Variants in SPECC1 observed in about 807,000 individuals in gnomAD.
SPECC1 encodes the protein sperm antigen with calponin homology and coiled-coil domains 1.
SPECC1 carries 62 observed loss-of-function variants against 104.1 expected under a neutral mutation model. The ratio of observed to expected loss-of-function variants is 0.60; its 90% CI spans 0.49 to 0.74. The LOEUF (loss-of-function observed/expected upper bound fraction) is 0.74. Ranked by LOEUF, SPECC1 falls within the 30% of genes least tolerant of loss-of-function variation. The probability of loss-of-function intolerance (pLI) is 0.00; values close to 1 mark genes in which losing one functional copy is unlikely to be tolerated. For missense variants in SPECC1, 1,306 were observed against 1,310.5 expected (o/e 1.00, Z 0.05); for synonymous variants, 513 against 501.6 (o/e 1.02, Z -0.30).
chr17:20,070,084 A>G (rs35915823), intron 1 of SPECC1, among the ~76,000 whole-genome samples: 32,719 of 152,032 alleles, frequency 0.22, 4,572 homozygotes, highest in Middle Eastern at 0.34. Flanking sequence ...CTTTCTTACC[A>G]ATCTGGATGC....
rs1844774810 is a variant in SPECC1 at position 20,315,184 on chromosome 17, A to T, written c.*1119A>T. On this transcript the variant is annotated 3_prime_UTR_variant, in exon 15 of 15. Transcript: ENST00000395527. The stretch of plus-strand genomic sequence containing the variant: ...GGATGCTGGGCTGACAGCAAATCCC[A>T]ACAGTATTTCGGCTCTGGACTGATT... The T allele has an allele frequency of 4.3e-6, 1 of 232,962 alleles. No homozygotes were observed. The allele number at this position is 232,962 out of a possible 1,614,324, so 14.4% of individuals were successfully genotyped here.
chr17:20,165,855 T>C (rs765372549), intron 3 of SPECC1, among the ~76,000 whole-genome samples: 5 of 152,236 alleles, frequency 3.3e-5, no homozygotes, highest in Non-Finnish European at 7.3e-5. Context: ...TTTAGAAAAG[T>C]ACCTGTTGAT....
chr17:20,257,720 A>G (rs1598096500), intron 11 of SPECC1, 113 bp downstream of exon 11: 2 of 1,372,130 alleles, frequency 1.5e-6, no homozygotes, highest in Non-Finnish European at 2.0e-6. Flanking sequence ...TTCCTGCATG[A>G]AAATGACTAA....
chr17:20,260,192 T>C lies in SPECC1; in HGVS notation c.2838T>C (p.Ser946=), dbSNP rs2039975937. ...TRAWKPQSKL[S]VERKDPLAAL... Reference sequence around the variant, plus strand: ...ACCATGTGCTCTTCTTTCTAACCAGTGTGGAAAGAAAAGACCCTCTGGCAG... The same window carrying C: ...ACCATGTGCTCTTCTTTCTAACCAGCGTGGAAAGAAAAGACCCTCTGGCAG... The change falls in exon 12 of 15, where the codon AGT becomes AGC. Residue 946 remains serine (S), a splice_region_variant and synonymous_variant. Transcript: ENST00000395527. The C allele has an allele frequency of 4.3e-6, 7 of 1,611,480 alleles. No individual in the cohort carries two copies. The East Asian group carries it at 1.3e-4, about 31-fold the overall frequency.
At chr17:20,081,693 C>T (rs1015228746) in intron 1 of SPECC1, among the ~76,000 whole-genome samples, 7 of 151,942 alleles carry the variant, frequency 4.6e-5, no homozygotes, top group Non-Finnish European at 7.4e-5. Context: ...GGGATCTGTC[C>T]GGAATGTAGA....
At chr17:20,251,277 T>C (rs999679513) in intron 9 of SPECC1, among the ~76,000 whole-genome samples, 2 of 131,472 alleles carry the variant, frequency 1.5e-5, no homozygotes, top group African/African-American at 6.1e-5. Flanking sequence ...GGCAGGAAAA[T>C]GTAGTCGATA....
Position 20,096,815 on chromosome 17 carries a change from A to G in SPECC1, c.147+17A>G. 2 of 1,606,248 alleles carry G rather than the reference A, an allele frequency of 1.2e-6. No individual in the cohort carries two copies. Among genetic ancestry groups the G allele is most frequent in the Middle Eastern group, 1.7e-4 (1 of 6,026 alleles). On this transcript the variant is annotated intron_variant, in intron 2 of 14. Coordinates refer to ENST00000395527, the MANE Select transcript of SPECC1 (RefSeq NM_001243439.2). ...CTCAGCAGGGTATGGATCAAAATGC[A>G]CAGGGCCAGGCAGAGCGCCTGGATA...
rs76661829 is a variant in SPECC1, at chr17:20,274,985, G to A, written c.2940+14691G>A. On this transcript the variant is annotated intron_variant, in intron 12 of 14. Transcript: ENST00000395527. Reference sequence around the variant, plus strand: ...CTAAATGAGATTCTTGTATTGTTTTGTGATAAATACTCTATCAACTAAAGG... The same window carrying A: ...CTAAATGAGATTCTTGTATTGTTTTATGATAAATACTCTATCAACTAAAGG... 5.9e-3 allele frequency among the ~76,000 whole-genome samples: 888 copies of A among 149,814 alleles called. 7 individuals carry two copies. The highest frequency in any genetic ancestry group is 0.021 in the African/African-American group (825 of 39,680).
Position 20,108,225 on chromosome 17 carries a change from A to C in SPECC1, c.148-2202A>C, listed in dbSNP as rs187207016. On this transcript the variant is annotated intron_variant, in intron 2 of 14. Transcript: ENST00000395527. ...AGCACAGTAAAGTTTTAAAAATTAC[A>C]AAAAAAAGGAAAAAAAAAAAACCCA... 6.7e-3 allele frequency among the ~76,000 whole-genome samples: 1,012 copies of C among 151,038 alleles called. 10 individuals carry two copies. Among genetic ancestry groups the C allele is most frequent in the African/African-American group, 0.023 (955 of 40,772 alleles).
intron 1 of SPECC1, among the ~76,000 whole-genome samples, chr17:20,060,177 C>A (rs1187632225): frequency 6.6e-6 from 1 of 152,080 alleles, no homozygotes; most frequent in Non-Finnish European, 1.5e-5. Flanking sequence ...TTCAATGACG[C>A]CTCTATAGTT....
intron 1 of SPECC1, among the ~76,000 whole-genome samples, chr17:20,034,489 C>A (rs2044974616): frequency 6.6e-6 from 1 of 152,050 alleles, no homozygotes; most frequent in South Asian, 2.1e-4. Flanking sequence ...ATCTAGTTGA[C>A]CAAAGTGCTG....
chr17:20,263,356 C>T (rs1221806432), intron 12 of SPECC1, among the ~76,000 whole-genome samples: 3 of 89,650 alleles, frequency 3.3e-5, no homozygotes, highest in African/African-American at 4.7e-5. Context: ...ACATCACACA[C>T]GGGGGCCTGT....
At chr17:20,308,156 G>A (rs1300188834) in intron 14 of SPECC1, among the ~76,000 whole-genome samples, 4 of 152,118 alleles carry the variant, frequency 2.6e-5, no homozygotes, top group African/African-American at 9.7e-5. Flanking sequence ...GGGAGGCTGA[G>A]GTGGGTGGAT....
At chr17:20,272,429 G>A (rs76111182) in intron 12 of SPECC1, among the ~76,000 whole-genome samples, 2,105 of 151,760 alleles carry the variant, frequency 0.014, 43 homozygotes, top group Middle Eastern at 0.061. Context: ...ATTTTTAAAT[G>A]TACAGTTCAG....
intron 1 of SPECC1, among the ~76,000 whole-genome samples, chr17:20,053,211 A>G (rs771051133): frequency 7.9e-5 from 12 of 152,246 alleles, no homozygotes; most frequent in South Asian, 2.1e-4. Context: ...AGTTCCTTTC[A>G]TGGCTCACTT....
chr17:20,183,888 C>T (rs919050898), intron 3 of SPECC1, among the ~76,000 whole-genome samples: 1 of 151,790 alleles, frequency 6.6e-6, no homozygotes, highest in African/African-American at 2.4e-5. Context: ...AGAATGATGT[C>T]AACCGGGCGT....
At chr17:20,223,264 G>A (rs188706592) in intron 4 of SPECC1, among the ~76,000 whole-genome samples, 131 of 152,036 alleles carry the variant, frequency 8.6e-4, no homozygotes, top group African/African-American at 3.0e-3. Flanking sequence ...CAATTAGCCT[G>A]TCTTCAAGCT....
intron 7 of SPECC1, chr17:20,238,914 C>T (rs1264406762): frequency 1.9e-6 from 2 of 1,041,848 alleles, no homozygotes; most frequent in East Asian, 5.8e-5. Flanking sequence ...TAGTTTTAAT[C>T]ACCAGCTACG....
intron 12 of SPECC1, among the ~76,000 whole-genome samples, chr17:20,285,040 G>A (rs2040894560): frequency 6.6e-6 from 1 of 152,194 alleles, no homozygotes; most frequent in Non-Finnish European, 1.5e-5. Context: ...ATCCAGCTGT[G>A]TCCTCGATTG....
Sources: gnomAD v4.1 joint callset for allele counts (sites outside exome capture counted in the v4.1 genomes callset) on GRCh38, gnomAD v4.1.1 for gene constraint, MANE v1.5 for transcripts, NCBI Gene and HGNC (gene_info 2026-07-23, HGNC 2026-07-21) for gene names.